The following ANXA10 variants were observed in gnomAD, a reference collection of about 807,000 sequenced individuals.
The protein encoded by ANXA10 is annexin 14.
A neutral mutation model predicts 53.5 loss-of-function variants in ANXA10; 49 were observed. That is an observed-to-expected ratio of 0.92 (90% confidence interval 0.73 to 1.16). The LOEUF (loss-of-function observed/expected upper bound fraction) is 1.16, where lower values mean the gene tolerates loss of function less well. Ranked by LOEUF, ANXA10 falls within the 50% of genes most tolerant of loss-of-function variation. ANXA10 has a pLI of 0.00. For missense variants in ANXA10, 393 were observed against 394.4 expected, an observed-to-expected ratio of 1.00 and a Z score of 0.03; for synonymous variants, 131 against 128.9, an observed-to-expected ratio of 1.02 and a Z score of -0.11.
intron 1 of ANXA10, among the ~76,000 whole-genome samples, chr4:168,104,681 C>G (rs1275562952): frequency 1.3e-5 from 2 of 151,752 alleles, no homozygotes; most frequent in Non-Finnish European, 2.9e-5. Flanking sequence ...CATAGCATTC[C>G]TTTTGGTAGG....
At chr4:168,108,628 T>G (rs1730754410) in intron 1 of ANXA10, among the ~76,000 whole-genome samples, 1 of 152,168 alleles carries the variant, frequency 6.6e-6, no homozygotes, top group Non-Finnish European at 1.5e-5. Context: ...TTGTAGCACT[T>G]ATGTAGTCTG....
chr4:168,120,408 T>C (rs529317903), intron 1 of ANXA10, among the ~76,000 whole-genome samples: 1 of 152,044 alleles, frequency 6.6e-6, no homozygotes, highest in Admixed American at 6.6e-5. Flanking sequence ...GGGGGAAAAA[T>C]ACTTGTTAGC....
intron 1 of ANXA10, among the ~76,000 whole-genome samples, chr4:168,123,784 C>T (rs1731027352): frequency 6.6e-6 from 1 of 151,684 alleles, no homozygotes; most frequent in African/African-American, 2.4e-5. Flanking sequence ...TCATTCTTTT[C>T]CCCAACTTCT....
intron 2 of ANXA10, among the ~76,000 whole-genome samples, chr4:168,137,527 T>C (rs182477576): frequency 4.9e-4 from 74 of 152,276 alleles, no homozygotes; most frequent in Non-Finnish European, 6.8e-4. Context: ...TGAGAACATA[T>C]GGTACTTGAC....
At position 168,177,797 on chromosome 4, in the gene ANXA10, A is replaced by C; in HGVS notation, c.534+4A>C. On this transcript the variant is annotated splice_donor_region_variant and intron_variant, in intron 7 of 11. Transcript: ENST00000359299. ...GATGGCTGCTCAGGATGCAATGGTA[A>C]CTAGAACCAGTTCTCAGACTGACTG... The C allele has an allele frequency of 6.2e-7, 1 of 1,614,176 alleles. No homozygotes were observed. Among genetic ancestry groups the C allele is most frequent in the Non-Finnish European group, 8.5e-7 (1 of 1,180,016 alleles).
rs1047557699 is a variant in ANXA10, at chr4:168,125,740, C to T, written c.19-2344C>T. 2.0e-5 allele frequency among the ~76,000 whole-genome samples: 3 copies of T among 152,128 alleles called. 1 individual carries two copies. Among genetic ancestry groups the T allele is most frequent in the Non-Finnish European group, 4.4e-5 (3 of 68,014 alleles). On this transcript the variant is annotated intron_variant, in intron 1 of 11. Coordinates refer to ENST00000359299, the MANE Select transcript of ANXA10 (RefSeq NM_007193.5). Reference sequence around the variant, plus strand: ...GAAATTTTTCTGTCATTTAAGGATACCTATTCGCAGAGGTGGGAAGATGGT... The same window carrying T: ...GAAATTTTTCTGTCATTTAAGGATATCTATTCGCAGAGGTGGGAAGATGGT...
At chr4:168,163,452 T>C (rs945651871) in intron 4 of ANXA10, among the ~76,000 whole-genome samples, 7 of 151,994 alleles carry the variant, frequency 4.6e-5, no homozygotes, top group African/African-American at 1.7e-4. Context: ...CTGATCCAAA[T>C]AGGCATTGTA....
At chr4:168,185,026 C>T (rs868180654) in intron 11 of ANXA10, among the ~76,000 whole-genome samples, 35 of 152,142 alleles carry the variant, frequency 2.3e-4, no homozygotes, top group African/African-American at 8.0e-4. Flanking sequence ...TGGTGGCACA[C>T]GCCTGTAGTC....
Position 168,152,869 on chromosome 4 carries a change from G to A in ANXA10, c.196-9659G>A, listed in dbSNP as rs183806973. On this transcript the variant is annotated intron_variant, in intron 3 of 11. Coordinates refer to ENST00000359299, the MANE Select transcript of ANXA10 (RefSeq NM_007193.5). ...ATATATCTATTGTTTTTGAGACAAG[G>A]TCTCACAGTTAGTCACTAGGCTAGA... Among the ~76,000 whole-genome samples the A allele has an allele frequency of 3.4e-3, 520 of 150,868 alleles. 2 individuals are homozygous for A. The highest frequency in any genetic ancestry group is 0.01 in the Middle Eastern group (3 of 290).
chr4:168,156,919 A>G (rs188947358), intron 3 of ANXA10, among the ~76,000 whole-genome samples: 290 of 152,116 alleles, frequency 1.9e-3, no homozygotes, highest in African/African-American at 6.4e-3. Context: ...TCTTCCTCTT[A>G]CCTAGGATTC....
At chr4:168,140,263 G>C (rs541597313) in intron 3 of ANXA10, among the ~76,000 whole-genome samples, 2 of 152,180 alleles carry the variant, frequency 1.3e-5, no homozygotes, top group South Asian at 2.1e-4. Context: ...TACTTCATCA[G>C]CTGAGCTTTA....
intron 1 of ANXA10, among the ~76,000 whole-genome samples, chr4:168,109,514 T>A (rs552370855): frequency 6.6e-6 from 1 of 152,296 alleles, no homozygotes; most frequent in African/African-American, 2.4e-5. Context: ...TTAGGTACAT[T>A]ACCAATAATT....
chr4:168,124,268 T>G (rs886607702), intron 1 of ANXA10, among the ~76,000 whole-genome samples: 1 of 152,128 alleles, frequency 6.6e-6, no homozygotes, highest in African/African-American at 2.4e-5. Context: ...ACGGTCGCCA[T>G]GATCATAAGG....
At chr4:168,151,678 A>G (rs917222101) in intron 3 of ANXA10, among the ~76,000 whole-genome samples, 13 of 152,182 alleles carry the variant, frequency 8.5e-5, no homozygotes, top group African/African-American at 3.1e-4. Flanking sequence ...CTAATTAGAG[A>G]ACCTATTTGA....
rs967860590 is a variant in ANXA10, at chr4:168,114,395, T to A, written c.19-13689T>A. 2.6e-5 allele frequency among the ~76,000 whole-genome samples: 4 copies of A among 152,186 alleles called. No individual in the cohort carries two copies. The East Asian group carries it at 7.7e-4, about 29-fold the overall frequency. On this transcript the variant is annotated intron_variant, in intron 1 of 11. Transcript: ENST00000359299. ...TTCAAGCAATTCTCCCGACTCAGCC[T>A]CAGGAAATAAAGATTAACAATTATC...
chr4:168,165,431 AC>A (rs1731860338), intron 6 of ANXA10, 105 bp downstream of exon 6: 3 of 509,552 alleles, frequency 5.9e-6, no homozygotes, highest in African/African-American at 2.0e-5. Flanking sequence ...CCAGTATATT[AC>A]AGTTCAATAG....
intron 3 of ANXA10, among the ~76,000 whole-genome samples, chr4:168,157,749 A>G (rs1363582947): frequency 6.6e-6 from 1 of 152,058 alleles, no homozygotes. Flanking sequence ...GTCTAGATTC[A>G]TTTTCTCAGA....
At chr4:168,179,085 G>C (rs1167465744) in intron 8 of ANXA10, 132 bp from the exon 9 acceptor site, 1 of 593,190 alleles carries the variant, frequency 1.7e-6, no homozygotes, top group African/African-American at 1.9e-5. Flanking sequence ...GGTATTTATA[G>C]CAAACAGAAT....
In ANXA10 at chr4:168,181,410, A is replaced by T. The variant is rs961448236; in HGVS notation, c.725-273A>T. On this transcript the variant is annotated intron_variant, in intron 9 of 11. Transcript: ENST00000359299. The stretch of plus-strand genomic sequence containing the variant: ...CGTCTCAAAAAAAAAAAAAAAAAGA[A>T]GATGATAAAGTTTTCTTCATTAGGC... Among the ~76,000 whole-genome samples the T allele has an allele frequency of 2.0e-5, 3 of 151,038 alleles. No homozygotes were observed. The South Asian group carries it at 6.2e-4, about 31-fold the overall frequency.
Sources: allele counts gnomAD v4.1 joint callset (sites outside exome capture counted in the v4.1 genomes callset), GRCh38; gene constraint gnomAD v4.1.1; transcripts MANE v1.5; gene names NCBI Gene and HGNC (gene_info 2026-07-23, HGNC 2026-07-21).